MAGI3: variants seen among roughly 807,000 people sequenced by gnomAD.
MAGI3 encodes membrane associated guanylate kinase, WW and PDZ domain containing 3.
In MAGI3, 43 loss-of-function variants were observed where a neutral mutation model predicts 121.8. That is an observed-to-expected ratio of 0.35 (90% confidence interval 0.28 to 0.46). The LOEUF is 0.46. MAGI3 is among the 20% of genes least tolerant of loss of function. MAGI3 has a pLI of 1.00. For missense variants in MAGI3, 1,547 were observed against 1,797.3 expected (o/e 0.86, Z 2.52); for synonymous variants, 553 against 639.3 (o/e 0.86, Z 2.04).
At chr1:113,423,472 C>T (rs1184842138) in intron 1 of MAGI3, among the ~76,000 whole-genome samples, 2 of 152,080 alleles carry the variant, frequency 1.3e-5, no homozygotes, top group Admixed American at 1.3e-4. Flanking sequence ...GGGGTTTCAC[C>T]ATGTTAGCCA....
chr1:113,588,308 T>C (rs1252976246), intron 4 of MAGI3, among the ~76,000 whole-genome samples: 1 of 152,046 alleles, frequency 6.6e-6, no homozygotes, highest in Non-Finnish European at 1.5e-5. Flanking sequence ...ATTCAGGCAA[T>C]AGCAAGGAAA....
At chr1:113,629,671 T>C (rs1387917783) in intron 9 of MAGI3, among the ~76,000 whole-genome samples, 1 of 152,026 alleles carries the variant, frequency 6.6e-6, no homozygotes, top group East Asian at 1.9e-4. Context: ...TCTGGATTAA[T>C]AGGCAGAGAC....
chr1:113,544,551 C>T (rs1659443371), intron 1 of MAGI3, among the ~76,000 whole-genome samples: 1 of 152,158 alleles, frequency 6.6e-6, no homozygotes, highest in Admixed American at 6.5e-5. Context: ...CTGAACAGCT[C>T]AGGTTTCTTA....
chr1:113,406,142 TA>T (rs1178907744), intron 1 of MAGI3, among the ~76,000 whole-genome samples: 2 of 150,526 alleles, frequency 1.3e-5, no homozygotes, highest in South Asian at 2.1e-4. Flanking sequence ...AAAATCATCT[TA>T]AAAAAAAATA....
At chr1:113,434,379 G>T (rs1002198782) in intron 1 of MAGI3, among the ~76,000 whole-genome samples, 7 of 152,008 alleles carry the variant, frequency 4.6e-5, no homozygotes, top group African/African-American at 1.7e-4. Flanking sequence ...AGATCAGCCT[G>T]GACAACATAG....
intron 2 of MAGI3, among the ~76,000 whole-genome samples, chr1:113,556,552 ATTTTTTTT>A (rs569112647): frequency 3.4e-5 from 4 of 117,594 alleles, no homozygotes; most frequent in African/African-American, 1.2e-4. Context: ...TATGATAAAG[ATTTTTTTT>A]TTTTTTTTTT....
chr1:113,651,076 T>C lies in MAGI3; in HGVS notation c.2310T>C (p.Ala770=), dbSNP rs2100982193. 3 of 1,614,164 alleles carry C rather than the reference T, an allele frequency of 1.9e-6. No individual in the cohort carries two copies. The highest frequency in any genetic ancestry group is 2.5e-6 in the Non-Finnish European group (3 of 1,180,024). ...AAEKDGRLRA[A]DELMCIDGIP... ...AGAAAGATGGTCGGCTCCGCGCAGC[T>C]GATGAACTAATGTGCATTGATGGAA... is the stretch of plus-strand genomic sequence containing the variant. Residue 770 remains alanine, a synonymous_variant, in exon 14 of 21, where the codon GCT becomes GCC. Coordinates refer to ENST00000307546, the MANE Select transcript of MAGI3 (RefSeq NM_001142782.2).
intron 1 of MAGI3, among the ~76,000 whole-genome samples, chr1:113,467,935 G>A (rs1655367677): frequency 1.3e-5 from 2 of 152,190 alleles, no homozygotes; most frequent in Admixed American, 1.3e-4. Flanking sequence ...ATTTATAATT[G>A]CTATATCCTC....
At chr1:113,486,651 CT>C (rs767164528) in intron 1 of MAGI3, among the ~76,000 whole-genome samples, 1,354 of 123,986 alleles carry the variant, frequency 0.011, 9 homozygotes, top group African/African-American at 0.03. Context: ...TCTTCAAAGT[CT>C]TTTTTTTTTT....
chr1:113,456,117 A>ATTTTTTTT (rs35038942), intron 1 of MAGI3, among the ~76,000 whole-genome samples: 6 of 113,248 alleles, frequency 5.3e-5, no homozygotes, highest in South Asian at 3.0e-4. Flanking sequence ...CGCCCGGCTA[A>ATTTTTTTT]TTTTTTTTTT....
Position 113,549,575 on chromosome 1 carries a change from T to A in MAGI3, c.377T>A (p.Ile126Asn). ...YLSLQFQKGS[I>N]DHKLQQVIRD... ...AGTCTTCAGTTTCAAAAAGGATCAA[T>A]TGACCACAAACTGCAGCAAGTGATC... Residue 126 changes from isoleucine to asparagine, a missense_variant, in exon 2 of 21, where the codon ATT becomes AAT. Ile to Asn is a moderately radical substitution (Grantham distance 149). Transcript: ENST00000307546. The A allele has an allele frequency of 6.2e-7, 1 of 1,611,622 alleles. No individual in the cohort carries two copies. Among genetic ancestry groups the A allele is most frequent in the Non-Finnish European group, 8.5e-7 (1 of 1,178,766 alleles).
chr1:113,643,646 C>A, intron 10 of MAGI3, 97 bp from the exon 11 acceptor site: 1 of 1,131,860 alleles, frequency 8.8e-7, no homozygotes, highest in Non-Finnish European at 1.3e-6. Flanking sequence ...TACTAGCGTA[C>A]TAAAAGTTGA....
At chr1:113,544,559 T>A (rs78908247) in intron 1 of MAGI3, among the ~76,000 whole-genome samples, 1 of 152,346 alleles carries the variant, frequency 6.6e-6, no homozygotes, top group African/African-American at 2.4e-5. Flanking sequence ...CTCAGGTTTC[T>A]TAAAGGATGT....
At chr1:113,581,501 T>C (rs1355061311) in intron 3 of MAGI3, among the ~76,000 whole-genome samples, 1 of 152,126 alleles carries the variant, frequency 6.6e-6, no homozygotes, top group Non-Finnish European at 1.5e-5. Context: ...TACTTTCTCC[T>C]TTTTCTCACA....
intron 1 of MAGI3, among the ~76,000 whole-genome samples, chr1:113,547,448 GTTTT>G: frequency 1.3e-5 from 2 of 152,088 alleles, no homozygotes; most frequent in Non-Finnish European, 2.9e-5. Context: ...ACATTATGTT[GTTTT>G]TAAGTGGGGG....
chr1:113,429,492 G>A (rs1354019896), intron 1 of MAGI3, among the ~76,000 whole-genome samples: 3 of 152,138 alleles, frequency 2.0e-5, no homozygotes, highest in African/African-American at 7.2e-5. Flanking sequence ...TTTCCCATTG[G>A]TAACTTGGTT....
At chr1:113,437,846 TTCTTCTTCTTCTTCTTCC>T (rs1238023150) in intron 1 of MAGI3, among the ~76,000 whole-genome samples, 1,659 of 67,180 alleles carry the variant, frequency 0.025, 71 homozygotes, top group African/African-American at 0.045. Flanking sequence ...CTTCTTCTTC[TTCTTCTTCTTCTTCTTCC>T]TCTTCTTCTT....
rs1415729810 is a variant in MAGI3 at position 113,550,562 on chromosome 1, C to T, written c.433+931C>T. Among the ~76,000 whole-genome samples, 3 of 151,552 alleles carry T rather than the reference C, an allele frequency of 2.0e-5. No homozygotes were observed. The South Asian group carries it at 6.3e-4, about 32-fold the overall frequency. Reference sequence around the variant, plus strand: ...CCTGAGGTCAGGAGTTTGAGACTAGCCTGGCCAACATGGTGAAACCCCATC... The same window carrying T: ...CCTGAGGTCAGGAGTTTGAGACTAGTCTGGCCAACATGGTGAAACCCCATC... On this transcript the variant is annotated intron_variant, in intron 2 of 20. Coordinates refer to ENST00000307546, the MANE Select transcript of MAGI3 (RefSeq NM_001142782.2).
At chr1:113,556,543 A>T (rs1482936694) in intron 2 of MAGI3, among the ~76,000 whole-genome samples, 2 of 147,344 alleles carry the variant, frequency 1.4e-5, no homozygotes, top group African/African-American at 4.9e-5. Context: ...GTGTAAGTGT[A>T]TGATAAAGAT....
Sources: allele counts gnomAD v4.1 joint callset (sites outside exome capture counted in the v4.1 genomes callset), GRCh38; gene constraint gnomAD v4.1.1; transcripts MANE v1.5; gene names NCBI Gene and HGNC (gene_info 2026-07-23, HGNC 2026-07-21).